Variants in MTX2 observed in about 807,000 individuals in gnomAD.
MTX2 encodes the protein metaxin-2.
A neutral mutation model predicts 42.3 loss-of-function variants in MTX2; 35 were observed. The observed-to-expected ratio is 0.83, with a 90% CI of 0.63 to 1.10. The LOEUF (loss-of-function observed/expected upper bound fraction) is 1.10. Ranked by LOEUF, MTX2 falls within the 50% of genes least tolerant of loss-of-function variation. MTX2 has a pLI of 0.00. For synonymous variants in MTX2, 119 were observed against 100.9 expected (o/e 1.18, Z -1.08); for missense variants, 307 against 304.1 (o/e 1.01, Z -0.07).
intron 3 of MTX2, among the ~76,000 whole-genome samples, chr2:176,312,128 T>G (rs1339616461): frequency 6.6e-6 from 1 of 152,230 alleles, no homozygotes; most frequent in Non-Finnish European, 1.5e-5. Context: ...TAACTATTGA[T>G]TTTTTAAAAT....
At chr2:176,293,664 G>C (rs1453871404) in intron 1 of MTX2, among the ~76,000 whole-genome samples, 1 of 152,076 alleles carries the variant, frequency 6.6e-6, no homozygotes, top group Non-Finnish European at 1.5e-5. Flanking sequence ...TAAGCTTCCT[G>C]CAGCTCTCAC....
chr2:176,331,187 T>C (rs1247754266), intron 9 of MTX2, among the ~76,000 whole-genome samples: 1 of 151,204 alleles, frequency 6.6e-6, no homozygotes, highest in East Asian at 1.9e-4. Flanking sequence ...AGGTTAAATA[T>C]ATGTGTATAT....
intron 1 of MTX2, among the ~76,000 whole-genome samples, chr2:176,282,558 C>T (rs913205313): frequency 1.3e-5 from 2 of 152,026 alleles, no homozygotes; most frequent in South Asian, 2.1e-4. Flanking sequence ...TTCCTGTTTT[C>T]CTCAGGCAGA....
intron 3 of MTX2, among the ~76,000 whole-genome samples, chr2:176,304,892 A>G (rs1330529949): frequency 6.6e-6 from 1 of 152,066 alleles, no homozygotes; most frequent in Non-Finnish European, 1.5e-5. Flanking sequence ...ATTGCTACCT[A>G]TCTAGAATTT....
intron 1 of MTX2, among the ~76,000 whole-genome samples, chr2:176,291,655 T>C (rs1047526930): frequency 6.6e-6 from 1 of 152,016 alleles, no homozygotes; most frequent in Admixed American, 6.6e-5. Flanking sequence ...GTTAAAATAT[T>C]ATCCACTTTC....
chr2:176,273,779 C>T (rs1179961663), intron 1 of MTX2, among the ~76,000 whole-genome samples: 1 of 152,074 alleles, frequency 6.6e-6, no homozygotes, highest in Non-Finnish European at 1.5e-5. Context: ...AAAGCTTTGT[C>T]ATTTTTTGCT....
intron 1 of MTX2, among the ~76,000 whole-genome samples, chr2:176,276,331 A>C (rs2105394138): frequency 6.6e-6 from 1 of 152,328 alleles, no homozygotes; most frequent in East Asian, 1.9e-4. Context: ...CGGTCTGTTA[A>C]TTAGAATTGC....
At chr2:176,292,705 A>G (rs1420389946) in intron 1 of MTX2, among the ~76,000 whole-genome samples, 1 of 152,172 alleles carries the variant, frequency 6.6e-6, no homozygotes, top group Non-Finnish European at 1.5e-5. Flanking sequence ...CACTTTTGGC[A>G]TTCCTAGGGA....
chr2:176,337,552 T>A lies in MTX2; in HGVS notation c.680T>A (p.Leu227Ter). Residue 227 changes from leucine (L) to a stop codon, truncating the protein, a stop_gained, in exon 10 of 10, where the codon TTG (leucine) becomes TAG (stop). Transcript: ENST00000249442. LOFTEE classifies it high-confidence loss of function. ...GHLYTILTTQ[L>*]TNDELSEKVK... ...CTATACACCATTCTTACCACACAAT[T>A]GACAAATGATGAACTTTCTGAGAAG... 1 of 1,613,278 alleles carries A rather than the reference T, an allele frequency of 6.2e-7. No individual in the cohort carries two copies. The highest frequency in any genetic ancestry group is 1.3e-5 in the African/African-American group (1 of 74,986).
chr2:176,337,470 A>G (rs746041483), intron 9 of MTX2, 23 bp from the exon 10 acceptor site: 2 of 1,554,972 alleles, frequency 1.3e-6, no homozygotes, highest in East Asian at 2.3e-5. Context: ...ACTTACTCAC[A>G]TTACTCTCAT....
intron 3 of MTX2, among the ~76,000 whole-genome samples, chr2:176,301,405 C>G (rs1684019358): frequency 6.6e-6 from 1 of 152,248 alleles, no homozygotes; most frequent in East Asian, 1.9e-4. Flanking sequence ...GTGCTGAGCT[C>G]TTAATTCATA....
chr2:176,296,360 A>G (rs182741517), intron 1 of MTX2, among the ~76,000 whole-genome samples: 2 of 152,292 alleles, frequency 1.3e-5, no homozygotes, highest in Admixed American at 1.3e-4. Flanking sequence ...TTGTGGGGAA[A>G]GATGGACAGC....
chr2:176,276,931 A>G (rs1006507094), intron 1 of MTX2, among the ~76,000 whole-genome samples: 11 of 152,084 alleles, frequency 7.2e-5, no homozygotes, highest in African/African-American at 2.4e-4. Context: ...AGCTCAGTAA[A>G]CTATATAAAG....
rs537515021 is a variant in MTX2, at chr2:176,312,634, C to T, written c.136-10758C>T. Among the ~76,000 whole-genome samples the T allele has an allele frequency of 6.6e-5, 10 of 151,990 alleles. No homozygotes were observed. The East Asian group carries it at 1.5e-3, about 23-fold the overall frequency. On this transcript the variant is annotated intron_variant, in intron 3 of 9. Coordinates refer to ENST00000249442, the MANE Select transcript of MTX2 (RefSeq NM_006554.5). ...ATCCCAGCACTTTGGAAGGCTGAGG[C>T]GGGTGGATCACCTGAGGTCAGGAGT...
chr2:176,276,210 C>G (rs1692942542), intron 1 of MTX2, among the ~76,000 whole-genome samples: 1 of 152,062 alleles, frequency 6.6e-6, no homozygotes, highest in Non-Finnish European at 1.5e-5. Context: ...AGTAATGTAT[C>G]CTAGAATAAT....
chr2:176,287,486 T>A (rs531812519), intron 1 of MTX2, among the ~76,000 whole-genome samples: 13 of 152,278 alleles, frequency 8.5e-5, no homozygotes, highest in African/African-American at 2.4e-4. Flanking sequence ...TTAGGGTTGC[T>A]TAACTGGTAA....
intron 3 of MTX2, among the ~76,000 whole-genome samples, chr2:176,319,406 A>T (rs969136937): frequency 6.8e-6 from 1 of 147,834 alleles, no homozygotes; most frequent in Admixed American, 6.7e-5. Flanking sequence ...GGGTGTTTAC[A>T]TTATTGAAGA....
At chr2:176,270,541 C>G in intron 1 of MTX2, 1 of 555,920 alleles carries the variant, frequency 1.8e-6, no homozygotes. Flanking sequence ...TTAGTCATAA[C>G]TCCCTAGCAG....
chr2:176,326,478 G>T (rs1326439101), intron 4 of MTX2, among the ~76,000 whole-genome samples: 1 of 151,694 alleles, frequency 6.6e-6, no homozygotes, highest in Non-Finnish European at 1.5e-5. Context: ...CAGTGGTCAT[G>T]TACCAGTGTC....
Sources: gnomAD v4.1 joint callset for allele counts (sites outside exome capture counted in the v4.1 genomes callset) on GRCh38, gnomAD v4.1.1 for gene constraint, MANE v1.5 for transcripts, NCBI Gene and HGNC (gene_info 2026-07-23, HGNC 2026-07-21) for gene names.